The following CAPN1 variants were observed in gnomAD, a reference collection of about 807,000 sequenced individuals.
CAPN1 encodes calpain-1 catalytic subunit.
In CAPN1, 77 loss-of-function variants were observed where a neutral mutation model predicts 105.2. The observed-to-expected ratio is 0.73, with a 90% CI of 0.61 to 0.88. The LOEUF (loss-of-function observed/expected upper bound fraction) is 0.88. CAPN1 is among the 40% of genes least tolerant of loss of function. The pLI is 0.00. For missense variants in CAPN1, 833 were observed against 976.6 expected, an observed-to-expected ratio of 0.85 and a Z score of 1.96; for synonymous variants, 355 against 388.8, an observed-to-expected ratio of 0.91 and a Z score of 1.02.
chr11:65,208,776 T>A lies in CAPN1; in HGVS notation c.1729+514T>A. ...GCCTGGGCAACAGAGCAAGACCCTGTCTCAAAAAAAAAAGCAGGAGCAGCA... is the reference window on the plus strand; with the variant it reads ...GCCTGGGCAACAGAGCAAGACCCTGACTCAAAAAAAAAAGCAGGAGCAGCA... On this transcript the variant is annotated intron_variant, in intron 16 of 21. Coordinates refer to ENST00000279247, the MANE Select transcript of CAPN1 (RefSeq NM_005186.4). This position sits in a 1 kb window ranked among gnomAD's most constrained non-coding sequence, Gnocchi z 4.1. 1 of 218,780 alleles carries A rather than the reference T, an allele frequency of 4.6e-6. No individual in the cohort carries two copies. 13.6% of individuals were successfully genotyped at this position (218,780 alleles called of 1,614,324 possible).
In CAPN1 at chr11:65,188,327, G is replaced by T; in HGVS notation, c.930-87G>T. ...GGAGGCCACCTGGGCTGGGCCGGGG[G>T]AAGACAGGCCAGGGTAGACAGGCCC... On this transcript the variant is annotated intron_variant, in intron 8 of 21. Transcript: ENST00000279247. This position sits in a 1 kb window ranked among gnomAD's most constrained non-coding sequence, Gnocchi z 5.5. 2 of 1,246,714 alleles carry T rather than the reference G, an allele frequency of 1.6e-6. No homozygotes were observed. The highest frequency in any genetic ancestry group is 2.3e-6 in the Non-Finnish European group (2 of 879,552). The allele number at this position is 1,246,714 out of a possible 1,614,324, so 77.2% of individuals were successfully genotyped here.
intron 14 of CAPN1, among the ~76,000 whole-genome samples, chr11:65,207,650 C>T (rs949767276): frequency 1.3e-5 from 2 of 151,774 alleles, no homozygotes; most frequent in African/African-American, 2.4e-5. Context: ...CAGTGGCTCA[C>T]GCCTGTAATC....
intron 6 of CAPN1, 53 bp downstream of exon 6, chr11:65,186,391 C>T: frequency 2.0e-6 from 3 of 1,508,858 alleles, no homozygotes; most frequent in African/African-American, 1.4e-5. Context: ...GGTATCCTGA[C>T]CTGTCACATT....
In CAPN1 at chr11:65,188,122, C is replaced by A; in HGVS notation, c.929+82C>A. The A allele has an allele frequency of 1.0e-6, 1 of 992,368 alleles. No individual in the cohort carries two copies. The highest frequency in any genetic ancestry group is 1.5e-6 in the Non-Finnish European group (1 of 669,596). 61.5% of individuals were successfully genotyped at this position (992,368 alleles called of 1,614,324 possible). ...CATTTCTGCTCGGGACTCTACCAGG[C>A]CAGGCTGGACTCAGGATTGAGCAGA... On this transcript the variant is annotated intron_variant, in intron 8 of 21. Coordinates refer to ENST00000279247, the MANE Select transcript of CAPN1 (RefSeq NM_005186.4). This position sits in a 1 kb window ranked among gnomAD's most constrained non-coding sequence, Gnocchi z 5.5.
upstream of CAPN1, chr11:65,181,564 G>T (rs1948529663): frequency 2.4e-6 from 1 of 411,408 alleles, no homozygotes; most frequent in Middle Eastern, 6.6e-4. This position sits in a 1 kb window ranked among gnomAD's most constrained non-coding sequence, Gnocchi z 4.6. Context: ...CGCGCGTGGG[G>T]TGCGGCCGTC....
In CAPN1 at chr11:65,206,498, C is replaced by G; in HGVS notation, c.1389C>G (p.Asp463Glu). The change falls in exon 13 of 22, where the codon GAC becomes GAG. Residue 463 changes from aspartate to glutamate, a missense_variant. By Grantham distance (45) the Asp-to-Glu change is conservative (BLOSUM62 2). Coordinates refer to ENST00000279247, the MANE Select transcript of CAPN1 (RefSeq NM_005186.4). ...AGCCGGCCGTACACTTGAAGCGTGA[C>G]TTCTTCCTGGCCAATGCGTCTCGGG... Reference protein sequence around the residue: ...VGQPAVHLKRDFFLANASRAR... With the variant: ...VGQPAVHLKREFFLANASRAR... 2 of 1,613,438 alleles carry G rather than the reference C, an allele frequency of 1.2e-6. No individual in the cohort carries two copies. The highest frequency in any genetic ancestry group is 1.7e-6 in the Non-Finnish European group (2 of 1,179,872).
chr11:65,181,770 G>T (rs1590845412), upstream of CAPN1: 1 of 241,364 alleles, frequency 4.1e-6, no homozygotes, highest in South Asian at 3.2e-5. This position sits in a 1 kb window ranked among gnomAD's most constrained non-coding sequence, Gnocchi z 4.6. Context: ...GGAGGGAGGG[G>T]CGGGGAGACA....
At chr11:65,183,771 T>A in intron 4 of CAPN1, 179 bp downstream of exon 4, 1 of 579,084 alleles carries the variant, frequency 1.7e-6, no homozygotes, top group East Asian at 2.9e-5. Flanking sequence ...GGGCAGGTAT[T>A]TCGGCTGGCA....
Position 65,188,494 on chromosome 11 carries a change from C to T in CAPN1, c.1004+6C>T, listed in dbSNP as rs375098895. ...ATGGAGGACGGGGAGTTCTGGTGAG[C>T]GCCCCCTCCCCTTCTACCCCACCTC... is the stretch of plus-strand genomic sequence containing the variant. On this transcript the variant is annotated splice_donor_region_variant and intron_variant, in intron 9 of 21. Transcript: ENST00000279247. This position sits in a 1 kb window ranked among gnomAD's most constrained non-coding sequence, Gnocchi z 5.5. 1.1e-5 allele frequency: 17 copies of T among 1,612,336 alleles called. No individual in the cohort carries two copies. The highest frequency in any genetic ancestry group is 2.2e-5 in the South Asian group (2 of 90,822).
chr11:65,193,276 GCC>G (rs1436905714), intron 10 of CAPN1, among the ~76,000 whole-genome samples: 5 of 151,488 alleles, frequency 3.3e-5, no homozygotes, highest in Non-Finnish European at 5.9e-5. Context: ...ACTGCACCCA[GCC>G]CCCTCTTAAT....
intron 1 of CAPN1, 168 bp from the exon 2 acceptor site, chr11:65,182,533 C>T: frequency 3.1e-6 from 2 of 644,420 alleles, no homozygotes; most frequent in Admixed American, 3.2e-5. Flanking sequence ...TCACTGGGAG[C>T]ACCGGGAGGT....
Position 65,211,639 on chromosome 11 carries a change from C to G in CAPN1, c.*353C>G, listed in dbSNP as rs984020137. On this transcript the variant is annotated 3_prime_UTR_variant, in exon 22 of 22. Coordinates refer to ENST00000279247, the MANE Select transcript of CAPN1 (RefSeq NM_005186.4). ...TTCAGAGGCCACCCACTCAGCACCA[C>G]CGGCCTGGCCTTGCCTGCAGACTAT... 5 of 410,090 alleles carry G rather than the reference C, an allele frequency of 1.2e-5. No homozygotes were observed. Among genetic ancestry groups the G allele is most frequent in the Non-Finnish European group, 2.3e-5 (5 of 219,966 alleles). The allele number at this position is 410,090 out of a possible 1,614,324, so 25.4% of individuals were successfully genotyped here.
chr11:65,190,389 C>A (rs181289084), intron 10 of CAPN1, among the ~76,000 whole-genome samples: 1 of 152,330 alleles, frequency 6.6e-6, no homozygotes, highest in East Asian at 1.9e-4. Context: ...ATCCTCAGCA[C>A]GGCTCCCTGC....
Position 65,188,416 on chromosome 11 carries a change from C to T in CAPN1, c.932C>T (p.Ser311Phe). 4 of 1,610,364 alleles carry T rather than the reference C, an allele frequency of 2.5e-6. No individual in the cohort carries two copies. Among genetic ancestry groups the T allele is most frequent in the South Asian group, 1.1e-5 (1 of 90,294 alleles). ...VEWTGAWSDS[S>F]SEWNNVDPYE... ...TGGCAGAGCCCTGCTCCTCACAGCT[C>T]CTCAGAGTGGAACAACGTGGACCCA... The change falls in exon 9 of 22, where the codon TCC becomes TTC. Residue 311 changes from serine to phenylalanine, a missense_variant and splice_region_variant. By Grantham distance (155) the Ser-to-Phe change is radical (BLOSUM62 -2). Coordinates refer to ENST00000279247, the MANE Select transcript of CAPN1 (RefSeq NM_005186.4). This position sits in a 1 kb window ranked among gnomAD's most constrained non-coding sequence, Gnocchi z 5.5.
At chr11:65,192,451 A>G (rs1948731341) in intron 10 of CAPN1, among the ~76,000 whole-genome samples, 1 of 151,858 alleles carries the variant, frequency 6.6e-6, no homozygotes, top group African/African-American at 2.4e-5. Context: ...CTAAGATGGG[A>G]GTGATTTGTT....
Position 65,194,768 on chromosome 11 carries a change from TCA to T in CAPN1, c.1165+6023_1165+6024del, listed in dbSNP as rs386754374. Among the ~76,000 whole-genome samples the T allele has an allele frequency of 4.9e-3, 742 of 152,356 alleles. 8 individuals carry two copies. The highest frequency in any genetic ancestry group is 0.017 in the African/African-American group (716 of 41,570). On this transcript the variant is annotated intron_variant, in intron 10 of 21. Coordinates refer to ENST00000279247, the MANE Select transcript of CAPN1 (RefSeq NM_005186.4). The stretch of plus-strand genomic sequence containing the variant: ...GATATACCACATTTTGCTGATTCAT[TCA>T]TCAGTTGATGGACATTTGTGTTATT...
intron 10 of CAPN1, among the ~76,000 whole-genome samples, chr11:65,194,011 G>A (rs1238418742): frequency 3.1e-5 from 4 of 129,686 alleles, no homozygotes; most frequent in East Asian, 2.3e-4. Context: ...CTGTCACCTC[G>A]GCTGGAGTGG....
rs578210930 is a variant in CAPN1 at position 65,188,477 on chromosome 11, C to T, written c.993C>T (p.Asp331=). 2.5e-5 allele frequency: 41 copies of T among 1,613,104 alleles called. 1 individual carries two copies. Among genetic ancestry groups the T allele is most frequent in the African/African-American group, 2.4e-4 (18 of 75,018 alleles). Residue 331 remains aspartate (D), a synonymous_variant, in exon 9 of 22, where the codon GAC becomes GAT. Coordinates refer to ENST00000279247, the MANE Select transcript of CAPN1 (RefSeq NM_005186.4). This position sits in a 1 kb window ranked among gnomAD's most constrained non-coding sequence, Gnocchi z 5.5. ...ACCAGCTCCGGGTCAAGATGGAGGA[C>T]GGGGAGTTCTGGTGAGCGCCCCCTC... is the stretch of plus-strand genomic sequence containing the variant. ...ERDQLRVKME[D]GEFWMSFRDF...
At position 65,208,075 on chromosome 11, in the gene CAPN1, G is replaced by A; in HGVS notation, c.1626G>A (p.Glu542=). ...LPDEQVLSEE[E]IDENFKALFR... ...TCCAGCAAGTGCTCTCAGAAGAGGA[G>A]ATTGACGAGAACTTCAAGGCCCTCT... is the stretch of plus-strand genomic sequence containing the variant. The change falls in exon 15 of 22, where the codon GAG becomes GAA. Residue 542 remains glutamate (E), a synonymous_variant. Coordinates refer to ENST00000279247, the MANE Select transcript of CAPN1 (RefSeq NM_005186.4). This position sits in a 1 kb window ranked among gnomAD's most constrained non-coding sequence, Gnocchi z 4.1. 1 of 1,603,502 alleles carries A rather than the reference G, an allele frequency of 6.2e-7. No individual in the cohort carries two copies. Among genetic ancestry groups the A allele is most frequent in the African/African-American group, 1.3e-5 (1 of 74,874 alleles).
Sources: gnomAD v4.1 joint callset for allele counts (sites outside exome capture counted in the v4.1 genomes callset) on GRCh38, gnomAD v4.1.1 for gene constraint, Gnocchi (gnomAD v3.1) non-coding constraint, MANE v1.5 for transcripts, NCBI Gene and HGNC (gene_info 2026-07-23, HGNC 2026-07-21) for gene names.